Variants in IL1RAPL2 observed in about 807,000 individuals in gnomAD.
IL1RAPL2 encodes the protein X-linked interleukin-1 receptor accessory protein-like 2.
A neutral mutation model predicts 44.1 loss-of-function variants in IL1RAPL2; 3 were observed. The observed-to-expected ratio is 0.07, with a 90% confidence interval of 0.03 to 0.18. IL1RAPL2 has a LOEUF of 0.18. Ranked by LOEUF, IL1RAPL2 falls within the 10% of genes least tolerant of loss-of-function variation. IL1RAPL2 has a pLI of 1.00. For synonymous variants in IL1RAPL2, 181 were observed against 178.8 expected (o/e 1.01, Z -0.10); for missense variants, 391 against 496.4 (o/e 0.79, Z 2.02).
intron 2 of IL1RAPL2, among the ~76,000 whole-genome samples, chrX:105,013,895 T>A (rs1331640710): frequency 8.9e-6 from 1 of 112,171 alleles, no homozygotes; most frequent in Non-Finnish European, 1.9e-5. Flanking sequence ...TGTATTTGTT[T>A]TATCTCCACA....
chrX:104,647,810 G>T, intron 1 of IL1RAPL2: 2 of 543,062 alleles, frequency 3.7e-6, no homozygotes, highest in East Asian at 3.4e-5. Context: ...AAAGATAATT[G>T]GTTTCTGTAC....
chrX:105,550,154 G>T (rs2036840114), intron 6 of IL1RAPL2, among the ~76,000 whole-genome samples: 1 of 111,909 alleles, frequency 8.9e-6, no homozygotes, highest in Non-Finnish European at 1.9e-5. Flanking sequence ...TAAAGAGGGA[G>T]AGGCAGGTGA....
At chrX:104,921,437 C>A (rs1054939799) in intron 2 of IL1RAPL2, among the ~76,000 whole-genome samples, 2 of 112,360 alleles carry the variant, frequency 1.8e-5, no homozygotes, top group Non-Finnish European at 3.8e-5. Flanking sequence ...TCTGGCCATT[C>A]CCACAGGGGA....
Position 105,041,822 on chromosome X carries a change from A to G in IL1RAPL2, c.83-153653A>G, listed in dbSNP as rs1425900993. On this transcript the variant is annotated intron_variant, in intron 2 of 10. Transcript: ENST00000372582. The stretch of plus-strand genomic sequence containing the variant: ...GGAGGCATCACGCTACCTGACTTCA[A>G]ACTATACTACAAGGCTACAGTAACC... Among the ~76,000 whole-genome samples the G allele has an allele frequency of 1.2e-4, 13 of 110,664 alleles. No individual in the cohort carries two copies. In the East Asian group the frequency reaches 3.7e-3, roughly 32 times the overall value.
At chrX:104,945,072 C>A (rs918091181) in intron 2 of IL1RAPL2, among the ~76,000 whole-genome samples, 1 of 111,655 alleles carries the variant, frequency 9.0e-6, no homozygotes, top group East Asian at 2.8e-4. Flanking sequence ...CTGCCTCTAT[C>A]CTGGCTGTAA....
At chrX:104,909,528 G>C (rs1924157190) in intron 2 of IL1RAPL2, among the ~76,000 whole-genome samples, 1 of 111,442 alleles carries the variant, frequency 9.0e-6, no homozygotes, top group South Asian at 3.8e-4. Context: ...TTTTGGTGTG[G>C]ATGTCCTTTC....
intron 2 of IL1RAPL2, among the ~76,000 whole-genome samples, chrX:105,174,723 G>A (rs1340062496): frequency 9.0e-6 from 1 of 111,284 alleles, no homozygotes; most frequent in Non-Finnish European, 1.9e-5. Flanking sequence ...GCCAACATAA[G>A]GAGGGACAAA....
At chrX:105,205,984 A>G (rs1294833487) in intron 3 of IL1RAPL2, among the ~76,000 whole-genome samples, 4 of 110,571 alleles carry the variant, frequency 3.6e-5, no homozygotes, top group African/African-American at 1.3e-4. Flanking sequence ...ACATGAATGA[A>G]TCCCAGATAT....
chrX:105,416,066 G>A lies in IL1RAPL2; in HGVS notation c.698-68247G>A, dbSNP rs192042146. Reference sequence around the variant, plus strand: ...CTCATTTCCAATTTGGAGAACCAAAGGCAAACTAAAACCTTTTGGCTTATA... The same window carrying A: ...CTCATTTCCAATTTGGAGAACCAAAAGCAAACTAAAACCTTTTGGCTTATA... On this transcript the variant is annotated intron_variant, in intron 5 of 10. Coordinates refer to ENST00000372582, the MANE Select transcript of IL1RAPL2 (RefSeq NM_017416.2). Among the ~76,000 whole-genome samples the A allele has an allele frequency of 5.4e-3, 603 of 111,662 alleles. 5 individuals carry two copies. Among genetic ancestry groups the A allele is most frequent in the African/African-American group, 0.018 (561 of 30,767 alleles).
At chrX:104,740,751 C>T (rs1372555064) in intron 2 of IL1RAPL2, among the ~76,000 whole-genome samples, 2 of 111,247 alleles carry the variant, frequency 1.8e-5, no homozygotes, top group Non-Finnish European at 3.8e-5. Flanking sequence ...TTCAATCATG[C>T]TTTACCATAT....
intron 3 of IL1RAPL2, chrX:105,219,811 C>T (rs782658900): frequency 8.5e-4 from 970 of 1,135,016 alleles, no homozygotes; most frequent in Non-Finnish European, 9.9e-4. Flanking sequence ...GGCGGGAGCA[C>T]TAAGCAGGGT....
intron 2 of IL1RAPL2, among the ~76,000 whole-genome samples, chrX:105,032,978 T>G (rs1226169871): frequency 3.6e-5 from 4 of 112,013 alleles, no homozygotes; most frequent in Admixed American, 9.5e-5. Context: ...TACCATTATG[T>G]AATGGCCTTC....
intron 2 of IL1RAPL2, among the ~76,000 whole-genome samples, chrX:104,809,487 G>T (rs1380010452): frequency 9.0e-6 from 1 of 111,040 alleles, no homozygotes; most frequent in African/African-American, 3.3e-5. Context: ...GTGATGGTGA[G>T]CATTTTTTCA....
chrX:104,677,706 C>T lies in IL1RAPL2; in HGVS notation c.82+18711C>T, dbSNP rs760718864. On this transcript the variant is annotated intron_variant, in intron 2 of 10. Transcript: ENST00000372582. The stretch of plus-strand genomic sequence containing the variant: ...CGCCCCTCCCCCAGCCTCGCTGCCG[C>T]CTTGCAGTTTGATCTCAGACTGCTG... Among the ~76,000 whole-genome samples the T allele has an allele frequency of 2.7e-5, 3 of 112,161 alleles. No individual in the cohort carries two copies. In the East Asian group the frequency reaches 8.6e-4, roughly 32 times the overall value.
intron 5 of IL1RAPL2, among the ~76,000 whole-genome samples, chrX:105,308,930 T>C (rs1361037314): frequency 8.9e-6 from 1 of 111,864 alleles, no homozygotes; most frequent in African/African-American, 3.2e-5. Context: ...TCACTCTATA[T>C]CATTCCCACA....
rs1257893946 is a variant in IL1RAPL2, at chrX:105,405,548, G to A, written c.698-78765G>A. The A allele has an allele frequency of 5.3e-5, 29 of 550,553 alleles. No individual in the cohort carries two copies. In the East Asian group the frequency reaches 7.5e-4, roughly 14 times the overall value. The allele number at this position is 550,553 out of a possible 1,213,427, so 45.4% of individuals were successfully genotyped here. ...GAAGGTGGCAAAGGGAGGCGAATCC[G>A]AGTGGGTGGAGGGAGGGGAAGGGCG... On this transcript the variant is annotated intron_variant, in intron 5 of 10. Coordinates refer to ENST00000372582, the MANE Select transcript of IL1RAPL2 (RefSeq NM_017416.2).
In IL1RAPL2 at chrX:104,901,199, C is replaced by CTTTT. The variant is rs1194148816; in HGVS notation, c.82+242230_82+242233dup. Among the ~76,000 whole-genome samples, 78 of 32,119 alleles carry CTTTT rather than the reference C, an allele frequency of 2.4e-3. 9 individuals carry two copies. The highest frequency in any genetic ancestry group is 9.1e-3 in the African/African-American group (68 of 7,450). The allele number at this position is 32,119 out of a possible 115,157, so 27.9% of individuals were successfully genotyped here. The stretch of plus-strand genomic sequence containing the variant: ...AGGAGTTGGTTGCTTTCTTTTGCTT[C>CTTTT]TTTTTTTTTTTTTTTTTTTTTTTTT... On this transcript the variant is annotated intron_variant, in intron 2 of 10. Coordinates refer to ENST00000372582, the MANE Select transcript of IL1RAPL2 (RefSeq NM_017416.2).
intron 2 of IL1RAPL2, among the ~76,000 whole-genome samples, chrX:104,829,255 T>A (rs1275375316): frequency 8.9e-6 from 1 of 111,878 alleles, no homozygotes. Flanking sequence ...AGGGCTCTTG[T>A]GGTATAGGCA....
intron 5 of IL1RAPL2, among the ~76,000 whole-genome samples, chrX:105,298,766 G>A (rs112955270): frequency 0.1 from 11,292 of 109,188 alleles, 1,477 homozygotes; most frequent in African/African-American, 0.36. Context: ...AGAAAGAGTC[G>A]CCAATTAGGT....
Sources: allele counts gnomAD v4.1 joint callset (sites outside exome capture counted in the v4.1 genomes callset), GRCh38; gene constraint gnomAD v4.1.1; transcripts MANE v1.5; gene names NCBI Gene and HGNC (gene_info 2026-07-23, HGNC 2026-07-21).